Variants in TENM3 observed in about 807,000 individuals in gnomAD.
TENM3 encodes teneurin transmembrane protein 3.
Under a neutral mutation model 255.1 loss-of-function variants are expected in TENM3, and 63 were observed. The observed-to-expected ratio is 0.25, with a 90% CI of 0.20 to 0.30. The LOEUF is 0.30. Among genes scored for constraint, TENM3 ranks in the 10% least tolerant of loss-of-function variants. The probability of loss-of-function intolerance (pLI) is 1.00; values close to 1 mark genes in which losing one functional copy is unlikely to be tolerated. For synonymous variants in TENM3, 1,306 were observed against 1,322.3 expected, an observed-to-expected ratio of 0.99 and a Z score of 0.27; for missense variants, 2,929 against 3,461.1, an observed-to-expected ratio of 0.85 and a Z score of 3.86.
chr4:182,581,115 A>G (rs1745454568), intron 3 of TENM3, among the ~76,000 whole-genome samples: 1 of 152,206 alleles, frequency 6.6e-6, no homozygotes, highest in South Asian at 2.1e-4. Flanking sequence ...TAAGGTTAAA[A>G]GAATTTAAAT....
intron 20 of TENM3, 36 bp from the exon 21 acceptor site, chr4:182,753,414 T>C: frequency 6.3e-7 from 1 of 1,587,306 alleles, no homozygotes; most frequent in Non-Finnish European, 8.6e-7. Context: ...TAACCATTTT[T>C]GAAAAATTAG....
chr4:182,162,972 G>T (rs1751457201), intron 1 of TENM3, among the ~76,000 whole-genome samples: 2 of 152,142 alleles, frequency 1.3e-5, no homozygotes, highest in African/African-American at 4.8e-5. Flanking sequence ...TCTCAGGCCT[G>T]AGGAGCAAAG....
chr4:182,047,909 C>T, the TENM3 span, among the ~76,000 whole-genome samples: 2 of 152,084 alleles, frequency 1.3e-5, no homozygotes, highest in African/African-American at 4.8e-5. Flanking sequence ...GTGAACCTGA[C>T]TATATAAGAA....
At position 182,346,883 on chromosome 4, in the gene TENM3, C is replaced by T; in HGVS notation, c.465C>T (p.Leu155=). 1 of 1,613,430 alleles carries T rather than the reference C, an allele frequency of 6.2e-7. No homozygotes were observed. The highest frequency in any genetic ancestry group is 8.5e-7 in the Non-Finnish European group (1 of 1,179,694). The change falls in exon 3 of 28, where the codon CTC becomes CTT. Residue 155 remains leucine (L), a synonymous_variant. Transcript: ENST00000511685. The part of the protein sequence containing the change: ...SCLSSRSNSA[L]TLTDTEHENK... ...TGTCAAGTCGGTCCAACTCAGCCCT[C>T]ACCCTGACAGATACGGAGCACGAAA...
intron 11 of TENM3, among the ~76,000 whole-genome samples, chr4:182,686,406 AT>A (rs1406941059): frequency 2.6e-5 from 4 of 152,030 alleles, no homozygotes; most frequent in African/African-American, 9.7e-5. Context: ...AGCACTGTTA[AT>A]TTACATTTGT....
intron 1 of TENM3, among the ~76,000 whole-genome samples, chr4:182,321,146 A>G (rs2150483004): frequency 6.6e-6 from 1 of 152,288 alleles, no homozygotes; most frequent in East Asian, 1.9e-4. Flanking sequence ...CAAAAAGATC[A>G]AGATGATTTG....
intron 3 of TENM3, chr4:182,449,200 T>TGGC (rs1773230404): frequency 2.7e-5 from 1 of 37,144 alleles, no homozygotes. Flanking sequence ...GCGGTGGCGG[T>TGGC]GGCGGTGGTG....
At chr4:181,864,668 A>T in the TENM3 span, among the ~76,000 whole-genome samples, 35,681 of 151,654 alleles carry the variant, frequency 0.24, 7,386 homozygotes, top group East Asian at 0.65. Flanking sequence ...AATAGGGGAG[A>T]TATGATAGGA....
At chr4:182,477,848 G>A (rs1733826703) in intron 3 of TENM3, among the ~76,000 whole-genome samples, 1 of 151,932 alleles carries the variant, frequency 6.6e-6, no homozygotes. Context: ...TTTAATTACA[G>A]AAAGTGAATA....
the TENM3 span, among the ~76,000 whole-genome samples, chr4:181,867,176 C>A: frequency 6.6e-6 from 1 of 152,158 alleles, no homozygotes; most frequent in Non-Finnish European, 1.5e-5. Flanking sequence ...CGAATTGTTA[C>A]GAGTGACTTA....
At chr4:181,597,807 G>A in the TENM3 span, among the ~76,000 whole-genome samples, 1 of 152,074 alleles carries the variant, frequency 6.6e-6, no homozygotes, top group Non-Finnish European at 1.5e-5. Context: ...CAGCTCCAGA[G>A]TTGCCATAGA....
At chr4:182,062,215 T>C in the TENM3 span, among the ~76,000 whole-genome samples, 1 of 152,146 alleles carries the variant, frequency 6.6e-6, no homozygotes, top group Admixed American at 6.5e-5. Context: ...CCCAAGAATA[T>C]GTTTAGTTTT....
chr4:181,528,472 G>T, the TENM3 span, among the ~76,000 whole-genome samples: 5 of 152,116 alleles, frequency 3.3e-5, 1 homozygote, highest in Admixed American at 3.3e-4. Context: ...AATGAGACTC[G>T]CAAAGCACAG....
At chr4:182,725,902 T>G (rs1269754522) in intron 13 of TENM3, among the ~76,000 whole-genome samples, 1 of 152,166 alleles carries the variant, frequency 6.6e-6, no homozygotes, top group East Asian at 1.9e-4. Flanking sequence ...CCTCCCAAAG[T>G]GCTGGGATTA....
the TENM3 span, among the ~76,000 whole-genome samples, chr4:181,705,109 T>G: frequency 6.7e-6 from 1 of 148,570 alleles, no homozygotes; most frequent in African/African-American, 2.5e-5. Context: ...GGACATAGGG[T>G]GGGTAGAGGG....
At chr4:182,218,267 C>G (rs550305301) in intron 1 of TENM3, among the ~76,000 whole-genome samples, 1 of 152,134 alleles carries the variant, frequency 6.6e-6, no homozygotes, top group Non-Finnish European at 1.5e-5. Flanking sequence ...TCATGGTGGC[C>G]TTAATCTGGG....
At chr4:181,522,992 A>G in the TENM3 span, 1 of 653,458 alleles carries the variant, frequency 1.5e-6, no homozygotes, top group East Asian at 3.2e-5. Flanking sequence ...TGCATAGGGA[A>G]CTCAATGCAT....
the TENM3 span, among the ~76,000 whole-genome samples, chr4:182,090,666 T>C: frequency 6.6e-6 from 1 of 152,196 alleles, no homozygotes; most frequent in Admixed American, 6.5e-5. Context: ...GTTCAGAGAA[T>C]GACATTTCCC....
rs543366453 is a variant in TENM3, at chr4:182,183,510, G to A, written c.-76+38756G>A. 4.6e-5 allele frequency among the ~76,000 whole-genome samples: 7 copies of A among 152,156 alleles called. No homozygotes were observed. In the South Asian group the frequency reaches 1.0e-3, roughly 23 times the overall value. On this transcript the variant is annotated intron_variant, in intron 1 of 2. Transcript: ENST00000512480. ...TTTGGGAGAAATAATTTCTACTCCC[G>A]TGAACTCAAGGGAAGTCTCCAGGAA...
Sources: allele counts gnomAD v4.1 joint callset (sites outside exome capture counted in the v4.1 genomes callset), GRCh38; gene constraint gnomAD v4.1.1; transcripts MANE v1.5; gene names NCBI Gene and HGNC (gene_info 2026-07-23, HGNC 2026-07-21).